Variants in SEM1 observed in about 807,000 individuals in gnomAD.
SEM1 encodes the protein SEM1 26S proteasome subunit.
SEM1 carries 3 observed loss-of-function variants against 12.7 expected under a neutral mutation model. The observed-to-expected ratio is 0.24, with a 90% CI of 0.11 to 0.61. The LOEUF (loss-of-function observed/expected upper bound fraction) is 0.61. SEM1 is among the 20% of genes least tolerant of loss of function. The pLI, the probability that SEM1 is intolerant of heterozygous loss-of-function variation, is 0.88. For synonymous variants in SEM1, 30 were observed against 27.8 expected (o/e 1.08, Z -0.25); for missense variants, 59 against 81.3 (o/e 0.73, Z 1.06).
In SEM1 at chr7:96,508,678, T is replaced by G. The variant is rs139258953; in HGVS notation, c.171-1980A>C. On this transcript the variant is annotated intron_variant and NMD_transcript_variant, in intron 2 of 3. Coordinates refer to the SEM1 transcript ENST00000466986. Reference sequence around the variant, plus strand: ...TTACTGTCAATAGGACTGCATCCCATTAATACCATGTTCACTTTTTGGCTA... The same window carrying G: ...TTACTGTCAATAGGACTGCATCCCAGTAATACCATGTTCACTTTTTGGCTA... Among the ~76,000 whole-genome samples the G allele has an allele frequency of 6.4e-4, 98 of 152,258 alleles. 1 individual carries two copies. The highest frequency in any genetic ancestry group is 2.2e-3 in the African/African-American group (90 of 41,560).
chr7:96,496,418 T>A (rs1803262874), upstream of SEM1: 1 of 675,276 alleles, frequency 1.5e-6, no homozygotes, highest in South Asian at 2.0e-5. Context: ...TGAAAAATAA[T>A]CTAAATCTTT....
intron 1 of SEM1, among the ~76,000 whole-genome samples, chr7:96,700,076 T>C (rs536771083): frequency 2.0e-5 from 3 of 152,316 alleles, no homozygotes; most frequent in Admixed American, 1.3e-4. Flanking sequence ...GAAGACTCAA[T>C]GACACTGTGT....
chr7:96,704,329 CTG>C (rs1223611121), intron 1 of SEM1, among the ~76,000 whole-genome samples: 3 of 151,996 alleles, frequency 2.0e-5, no homozygotes, highest in Non-Finnish European at 2.9e-5. Flanking sequence ...TAGAGGGAAA[CTG>C]TGTTTTTACT....
At chr7:96,655,442 C>CTTTTTTTTTTTTTTTTTTTTTTT (rs72335497) in intron 2 of SEM1, among the ~76,000 whole-genome samples, 1 of 137,698 alleles carries the variant, frequency 7.3e-6, no homozygotes, top group Non-Finnish European at 1.6e-5. Context: ...ATGCAAATAC[C>CTTTTTTTTTTTTTTTTTTTTTTT]TTTTTTTTTT....
chr7:96,586,717 C>T (rs1806649032), intron 2 of SEM1, among the ~76,000 whole-genome samples: 1 of 152,188 alleles, frequency 6.6e-6, no homozygotes, highest in African/African-American at 2.4e-5. Flanking sequence ...ATGTGCTGGG[C>T]AGAATGTTAT....
intron 2 of SEM1, among the ~76,000 whole-genome samples, chr7:96,485,839 C>T (rs796717691): frequency 6.6e-6 from 1 of 152,168 alleles, no homozygotes; most frequent in East Asian, 1.9e-4. Flanking sequence ...TACGCCTGGC[C>T]TCCCATCTCT....
chr7:96,653,590 G>A (rs1334158317), intron 2 of SEM1: 5 of 152,290 alleles, frequency 3.3e-5, no homozygotes, highest in South Asian at 2.1e-4. Context: ...GAGAAGAGTC[G>A]TGATAGTTGA....
At chr7:96,558,165 G>C (rs1042587210) in intron 2 of SEM1, 2 of 153,422 alleles carry the variant, frequency 1.3e-5, no homozygotes, top group African/African-American at 4.8e-5. Flanking sequence ...GCTCACGCTG[G>C]GAGCTGTAGA....
At chr7:96,543,793 A>C (rs1254466957) in intron 2 of SEM1, among the ~76,000 whole-genome samples, 1 of 151,992 alleles carries the variant, frequency 6.6e-6, no homozygotes, top group Non-Finnish European at 1.5e-5. Flanking sequence ...TAATCAATGA[A>C]TCAGAAAATC....
chr7:96,496,042 G>A (rs1277560060), intron 1 of SEM1, among the ~76,000 whole-genome samples: 1 of 152,098 alleles, frequency 6.6e-6, no homozygotes, highest in Non-Finnish European at 1.5e-5. Context: ...GACAGCCTTC[G>A]AGATGCTGGT....
At chr7:96,692,179 G>C (rs1467568789) in intron 2 of SEM1, among the ~76,000 whole-genome samples, 1 of 152,160 alleles carries the variant, frequency 6.6e-6, no homozygotes, top group Non-Finnish European at 1.5e-5. Context: ...AACATGTAAT[G>C]ATGTGAAATC....
intron 2 of SEM1, among the ~76,000 whole-genome samples, chr7:96,599,334 T>C (rs1436216023): frequency 1.3e-5 from 2 of 152,012 alleles, no homozygotes; most frequent in African/African-American, 2.4e-5. Flanking sequence ...AGAGGACTAG[T>C]AAAAACCAAA....
At chr7:96,516,628 ATGG>A (rs1804103620) in intron 2 of SEM1, among the ~76,000 whole-genome samples, 1 of 152,166 alleles carries the variant, frequency 6.6e-6, no homozygotes, top group African/African-American at 2.4e-5. Context: ...TCATTCATTG[ATGG>A]TGGAAATATA....
chr7:96,523,448 C>A lies in SEM1; in HGVS notation c.171-16750G>T, dbSNP rs543364094. ...CATAAAAAATTTTACCTGAGGAGTG[C>A]AAAATGCCCCAGGGTTCAAAAGAGG... On this transcript the variant is annotated intron_variant and NMD_transcript_variant, in intron 2 of 3. Coordinates refer to the SEM1 transcript ENST00000466986. Among the ~76,000 whole-genome samples, 3 of 152,152 alleles carry A rather than the reference C, an allele frequency of 2.0e-5. 1 individual carries two copies. In the East Asian group the frequency reaches 5.8e-4, roughly 29 times the overall value.
intron 3 of SEM1, among the ~76,000 whole-genome samples, chr7:96,503,974 T>C (rs560907846): frequency 1.3e-5 from 2 of 152,260 alleles, no homozygotes. Context: ...GGGTTGGCCA[T>C]GGAACCCATG....
At chr7:96,632,635 T>C (rs866640495) in intron 2 of SEM1, among the ~76,000 whole-genome samples, 1 of 152,076 alleles carries the variant, frequency 6.6e-6, no homozygotes, top group Non-Finnish European at 1.5e-5. Context: ...CAAATCACCA[T>C]GGCACGTGTA....
chr7:96,486,460 G>A (rs1313603411), intron 1 of SEM1: 1 of 1,495,928 alleles, frequency 6.7e-7, no homozygotes, highest in East Asian at 2.5e-5. Context: ...CTTTCAGGCT[G>A]GCAGGAGGTG....
chr7:96,631,947 G>A (rs1397040780), intron 2 of SEM1, among the ~76,000 whole-genome samples: 2 of 152,174 alleles, frequency 1.3e-5, no homozygotes, highest in African/African-American at 4.8e-5. Flanking sequence ...ACGGACATAT[G>A]AAAAAATGCT....
exon 4 of SEM1, chr7:96,483,699 A>T: frequency 1.2e-6 from 1 of 817,948 alleles, no homozygotes. Context: ...ATCTGTCTGA[A>T]CTTGTCATGT....
Sources: gnomAD v4.1 joint callset for allele counts (sites outside exome capture counted in the v4.1 genomes callset) on GRCh38, gnomAD v4.1.1 for gene constraint, MANE v1.5 for transcripts, NCBI Gene and HGNC (gene_info 2026-07-23, HGNC 2026-07-21) for gene names.